SAMSN1: variants seen among roughly 807,000 people sequenced by gnomAD.
SAMSN1 encodes SAM domain, SH3 domain and nuclear localization signals 1.
Under a neutral mutation model 42.0 loss-of-function variants are expected in SAMSN1, and 31 were observed. The observed-to-expected ratio is 0.74, with a 90% confidence interval of 0.55 to 1.00. The LOEUF is 1.00. Ranked by LOEUF, SAMSN1 falls within the 50% of genes least tolerant of loss-of-function variation. The pLI is 0.00. For synonymous variants in SAMSN1, 178 were observed against 151.9 expected (o/e 1.17, Z -1.26); for missense variants, 464 against 439.4 (o/e 1.06, Z -0.50).
chr21:14,644,551 G>A (rs1600982060), intron 1 of SAMSN1, among the ~76,000 whole-genome samples: 1 of 152,270 alleles, frequency 6.6e-6, no homozygotes, highest in African/African-American at 2.4e-5. Context: ...CCTTGGGAAA[G>A]CCTCTGAGAC....
At chr21:14,613,589 T>C (rs1183856512) in intron 3 of SAMSN1, among the ~76,000 whole-genome samples, 34 of 152,192 alleles carry the variant, frequency 2.2e-4, no homozygotes, top group Admixed American at 2.2e-3. Context: ...AAAACATGCA[T>C]AGATAAGGTT....
chr21:14,538,914 A>G (rs1979813540), intron 1 of SAMSN1, among the ~76,000 whole-genome samples: 1 of 152,216 alleles, frequency 6.6e-6, no homozygotes, highest in East Asian at 1.9e-4. Context: ...AAAAATAACA[A>G]TGGTACTTGA....
At chr21:14,494,131 C>G (rs1986809903) in intron 7 of SAMSN1, among the ~76,000 whole-genome samples, 1 of 152,190 alleles carries the variant, frequency 6.6e-6, no homozygotes, top group African/African-American at 2.4e-5. Context: ...ATTAGTTCAA[C>G]CATTGTCAAA....
At chr21:14,613,023 C>T (rs1982748918) in intron 3 of SAMSN1, 2 of 553,212 alleles carry the variant, frequency 3.6e-6, no homozygotes, top group Non-Finnish European at 6.5e-6. Context: ...TAAATTCTAC[C>T]TCTAACCGAG....
chr21:14,547,063 C>T (rs998072467), upstream of SAMSN1, among the ~76,000 whole-genome samples: 2 of 152,128 alleles, frequency 1.3e-5, no homozygotes, highest in African/African-American at 4.8e-5. Flanking sequence ...TAAGTTAGAA[C>T]TTAAACAATA....
chr21:14,556,973 A>G (rs1980780962), intron 2 of SAMSN1, among the ~76,000 whole-genome samples: 1 of 152,202 alleles, frequency 6.6e-6, no homozygotes, highest in African/African-American at 2.4e-5. Context: ...AAATAATAAT[A>G]ATAACTGATT....
chr21:14,541,136 TTGGG>T (rs1338589845), intron 1 of SAMSN1, among the ~76,000 whole-genome samples: 2 of 88,228 alleles, frequency 2.3e-5, no homozygotes, highest in African/African-American at 8.7e-5. Context: ...TGTTGTGGGG[TTGGG>T]GGAGGGGGGA....
chr21:14,576,466 A>G (rs181352291), intron 2 of SAMSN1, among the ~76,000 whole-genome samples: 2 of 152,328 alleles, frequency 1.3e-5, no homozygotes, highest in South Asian at 2.1e-4. Flanking sequence ...CTTGAGACAT[A>G]TTAAAACTTT....
At position 14,618,656 on chromosome 21, in the gene SAMSN1, A is replaced by ATGTGTG. The variant is rs3050614; in HGVS notation, c.157-2646_157-2641dup. Among the ~76,000 whole-genome samples, 4 of 149,166 alleles carry ATGTGTG rather than the reference A, an allele frequency of 2.7e-5. No individual in the cohort carries two copies. The South Asian group carries it at 8.5e-4, about 32-fold the overall frequency. On this transcript the variant is annotated intron_variant, in intron 2 of 15. Coordinates refer to the SAMSN1 transcript ENST00000647101. ...TTTATTTTTAGAACCACAGCTGTGT[A>ATGTGTG]TGTGTGTGTGTGTGTGTGTGTGTGT...
At chr21:14,625,575 T>G (rs1356355597) in intron 2 of SAMSN1, among the ~76,000 whole-genome samples, 1 of 152,166 alleles carries the variant, frequency 6.6e-6, no homozygotes, top group African/African-American at 2.4e-5. Context: ...TTACCAGGGA[T>G]GTGAAAGACC....
At chr21:14,566,042 T>A (rs1981106418) in intron 2 of SAMSN1, among the ~76,000 whole-genome samples, 1 of 152,202 alleles carries the variant, frequency 6.6e-6, no homozygotes, top group Non-Finnish European at 1.5e-5. Flanking sequence ...TCGTTATTAG[T>A]AAAGACATAA....
At chr21:14,542,145 A>C (rs894406232) in intron 1 of SAMSN1, among the ~76,000 whole-genome samples, 1 of 152,214 alleles carries the variant, frequency 6.6e-6, no homozygotes, top group African/African-American at 2.4e-5. Flanking sequence ...CGATTTCTAA[A>C]CTTACAGACG....
chr21:14,588,051 C>A (rs1263861300), upstream of SAMSN1, among the ~76,000 whole-genome samples: 5 of 132,474 alleles, frequency 3.8e-5, no homozygotes, highest in African/African-American at 8.4e-5. Flanking sequence ...CCAATTTCAT[C>A]CATGTCCCTA....
exon 6 of SAMSN1, chr21:14,602,068 G>A: frequency 1.4e-6 from 1 of 693,330 alleles, no homozygotes; most frequent in Non-Finnish European, 2.7e-6. Flanking sequence ...AGGTATGTAT[G>A]TTGTTACTTA....
At chr21:14,553,204 T>C (rs1980657341) in intron 2 of SAMSN1, among the ~76,000 whole-genome samples, 1 of 152,122 alleles carries the variant, frequency 6.6e-6, no homozygotes, top group Non-Finnish European at 1.5e-5. Flanking sequence ...TGTTAAATCA[T>C]TAGTCACTAT....
chr21:14,591,668 A>G (rs1357670506), intron 7 of SAMSN1, among the ~76,000 whole-genome samples: 1 of 152,170 alleles, frequency 6.6e-6, no homozygotes, highest in African/African-American at 2.4e-5. Context: ...GGGAGAAGAA[A>G]TGTGCTTGGC....
intron 1 of SAMSN1, among the ~76,000 whole-genome samples, chr21:14,522,801 C>A (rs1473335329): frequency 6.6e-6 from 1 of 152,190 alleles, no homozygotes; most frequent in Admixed American, 6.5e-5. Context: ...GTTATTCCAG[C>A]TCAGGGTTGC....
chr21:14,593,183 A>G (rs1044969309), intron 7 of SAMSN1, among the ~76,000 whole-genome samples: 1 of 152,144 alleles, frequency 6.6e-6, no homozygotes, highest in Non-Finnish European at 1.5e-5. Context: ...AGAGCTATAA[A>G]TAAAGATATC....
At chr21:14,543,824 A>T (rs1158392295) in intron 1 of SAMSN1, among the ~76,000 whole-genome samples, 2 of 152,192 alleles carry the variant, frequency 1.3e-5, no homozygotes, top group African/African-American at 4.8e-5. Context: ...AGAGTATAGT[A>T]TGAAGAGTTT....
Sources: allele counts gnomAD v4.1 joint callset (sites outside exome capture counted in the v4.1 genomes callset), GRCh38; gene constraint gnomAD v4.1.1; transcripts MANE v1.5; gene names NCBI Gene and HGNC (gene_info 2026-07-23, HGNC 2026-07-21).